KIF3C: variants seen among roughly 807,000 people sequenced by gnomAD.
The protein encoded by KIF3C is kinesin-like protein KIF3C.
A neutral mutation model predicts 67.7 loss-of-function variants in KIF3C; 12 were observed. The ratio of observed to expected loss-of-function variants is 0.18; its 90% CI spans 0.11 to 0.29. The LOEUF (loss-of-function observed/expected upper bound fraction) is 0.29. Among genes scored for constraint, KIF3C ranks in the 10% least tolerant of loss-of-function variants. The pLI, the probability that KIF3C is intolerant of heterozygous loss-of-function variation, is 1.00. For synonymous variants in KIF3C, 393 were observed against 426.2 expected (o/e 0.92, Z 0.96); for missense variants, 789 against 1,059.6 (o/e 0.74, Z 3.55).
chr2:25,981,951 T>A lies in KIF3C; in HGVS notation c.-34A>T, dbSNP rs777430570. ...TCTGACCTTCCTGCCCCCGAGCCCCTCCGCAGCCTGGGCGGTCCTGCTATC... is the reference window on the plus strand; with the variant it reads ...TCTGACCTTCCTGCCCCCGAGCCCCACCGCAGCCTGGGCGGTCCTGCTATC... On this transcript the variant is annotated 5_prime_UTR_variant, in exon 1 of 8. Coordinates refer to ENST00000264712, the MANE Select transcript of KIF3C (RefSeq NM_002254.8). The surrounding 1 kb of genome is among the most constrained non-coding windows in gnomAD (Gnocchi z 8.2). 1.3e-5 allele frequency: 20 copies of A among 1,493,172 alleles called. No individual in the cohort carries two copies. Among genetic ancestry groups the A allele is most frequent in the Non-Finnish European group, 1.6e-5 (18 of 1,121,930 alleles). 92.5% of individuals were successfully genotyped at this position (1,493,172 alleles called of 1,614,324 possible). A position where few individuals can be genotyped will look rare whatever the true frequency, so the allele number is the denominator to read the frequency against.
chr2:25,945,460 A>G (rs112756426), intron 5 of KIF3C, among the ~76,000 whole-genome samples: 14,003 of 146,780 alleles, frequency 0.095, 992 homozygotes, highest in African/African-American at 0.19. Flanking sequence ...CCAGCTACTT[A>G]GGAGGCTGAG....
chr2:25,938,487 G>A, intron 5 of KIF3C: 1 of 305,870 alleles, frequency 3.3e-6, no homozygotes. Context: ...GAACAGATGG[G>A]CCAGTGAGTG....
chr2:25,980,270 G>T lies in KIF3C; in HGVS notation c.1545+103C>A. ...GAGGGCAGTGTGCGGTGCTGAGGGA[G>T]AACCTCCACTTCAGGCCAGGTCACA... is the stretch of plus-strand genomic sequence containing the variant. On this transcript the variant is annotated intron_variant, in intron 1 of 7. Coordinates refer to ENST00000264712, the MANE Select transcript of KIF3C (RefSeq NM_002254.8). The surrounding 1 kb of genome is among the most constrained non-coding windows in gnomAD (Gnocchi z 7.6). The T allele has an allele frequency of 1.1e-6, 1 of 937,786 alleles. No homozygotes were observed. The highest frequency in any genetic ancestry group is 1.6e-6 in the Non-Finnish European group (1 of 631,018). The allele number at this position is 937,786 out of a possible 1,614,324, so 58.1% of individuals were successfully genotyped here.
At chr2:25,952,876 A>C (rs113272192) in intron 4 of KIF3C, among the ~76,000 whole-genome samples, 1 of 152,128 alleles carries the variant, frequency 6.6e-6, no homozygotes, top group African/African-American at 2.4e-5. Context: ...TAACTTAAAG[A>C]GTGTAACTGG....
chr2:25,955,627 G>C lies in KIF3C; in HGVS notation c.1684C>G (p.Leu562Val). The C allele has an allele frequency of 6.2e-7, 1 of 1,614,174 alleles. No homozygotes were observed. The highest frequency in any genetic ancestry group is 8.5e-7 in the Non-Finnish European group (1 of 1,180,024). ...REREMQQEMM[L>V]RDEETMELRG... ...AGCTCCATAGTCTCCTCGTCCCGGA[G>C]CATCATCTCCTGCTGCATCTCCCGC... The change falls in exon 3 of 8, where the codon CTC (leucine) becomes GTC (valine). Residue 562 changes from leucine to valine, a missense_variant. Physicochemically the swap from Leu to Val is conservative, Grantham distance 32 (BLOSUM62 1). This residue lies in a region of KIF3C where 648 missense variants were observed against 807.8 expected (regional missense o/e 0.80). Transcript: ENST00000264712. The surrounding 1 kb of genome is among the most constrained non-coding windows in gnomAD (Gnocchi z 5.0).
intron 1 of KIF3C, among the ~76,000 whole-genome samples, chr2:25,960,044 T>C (rs537680638): frequency 6.6e-6 from 1 of 152,262 alleles, no homozygotes; most frequent in African/African-American, 2.4e-5. Flanking sequence ...CATTCTTTAT[T>C]CTTTATAATC....
intron 5 of KIF3C, among the ~76,000 whole-genome samples, chr2:25,944,350 T>A (rs1178656948): frequency 6.7e-6 from 1 of 149,618 alleles, no homozygotes; most frequent in Admixed American, 6.7e-5. Context: ...TAATTGCCTT[T>A]TTTTTTTTTT....
At chr2:25,954,040 T>A in intron 4 of KIF3C, 1 of 523,592 alleles carries the variant, frequency 1.9e-6, no homozygotes, top group Non-Finnish European at 3.4e-6. Context: ...CCTTCGGAGT[T>A]ACTTTTGGCC....
intron 5 of KIF3C, among the ~76,000 whole-genome samples, chr2:25,950,513 C>T (rs575216975): frequency 1.1e-4 from 17 of 152,160 alleles, no homozygotes; most frequent in East Asian, 7.7e-4. Flanking sequence ...TGAGCCACCA[C>T]GCCCAGCTAG....
At chr2:25,974,035 T>C (rs544936387) in intron 1 of KIF3C, among the ~76,000 whole-genome samples, 27 of 152,366 alleles carry the variant, frequency 1.8e-4, no homozygotes, top group Non-Finnish European at 7.3e-5. Context: ...TGCCAGAAAC[T>C]GTGCAAAGTG....
intron 5 of KIF3C, among the ~76,000 whole-genome samples, chr2:25,940,481 G>A (rs1170013084): frequency 6.6e-6 from 1 of 151,576 alleles, no homozygotes; most frequent in African/African-American, 2.4e-5. Context: ...TGAGGCGGAA[G>A]AATCGCTTGA....
chr2:25,930,361 T>C (rs1017492434), intron 5 of KIF3C, among the ~76,000 whole-genome samples: 2 of 152,074 alleles, frequency 1.3e-5, no homozygotes, highest in Non-Finnish European at 2.9e-5. Flanking sequence ...GTATATTGTG[T>C]TTTTGTTGTT....
chr2:25,961,579 G>T (rs1663943876), intron 1 of KIF3C, among the ~76,000 whole-genome samples: 1 of 152,200 alleles, frequency 6.6e-6, no homozygotes, highest in Admixed American at 6.5e-5. Context: ...GGAGGAGGAG[G>T]AGTAACACTC....
intron 4 of KIF3C, among the ~76,000 whole-genome samples, chr2:25,953,203 A>T (rs1325982557): frequency 6.6e-6 from 1 of 151,324 alleles, no homozygotes; most frequent in Non-Finnish European, 1.5e-5. Context: ...TGGGAGGTGG[A>T]GGCTGCAGTG....
rs758832341 is a variant in KIF3C at position 25,955,907 on chromosome 2, C to A, written c.1648-244G>T. On this transcript the variant is annotated intron_variant, in intron 2 of 7. Coordinates refer to ENST00000264712, the MANE Select transcript of KIF3C (RefSeq NM_002254.8). This position sits in a 1 kb window ranked among gnomAD's most constrained non-coding sequence, Gnocchi z 5.0. The stretch of plus-strand genomic sequence containing the variant: ...GAGACCCCAGCCCCTAAGAGCTGGC[C>A]TACTCCAGAGGCGTTAGTCACACAG... Among the ~76,000 whole-genome samples, 1 of 152,176 alleles carries A rather than the reference C, an allele frequency of 6.6e-6. No individual in the cohort carries two copies. The highest frequency in any genetic ancestry group is 1.5e-5 in the Non-Finnish European group (1 of 68,036).
intron 5 of KIF3C, among the ~76,000 whole-genome samples, chr2:25,943,741 T>C (rs1361186376): frequency 6.6e-6 from 1 of 151,976 alleles, no homozygotes; most frequent in Admixed American, 6.6e-5. Flanking sequence ...GGCACATGCC[T>C]GTAATCCCAG....
chr2:25,976,999 T>C (rs1664434438), intron 1 of KIF3C, among the ~76,000 whole-genome samples: 2 of 152,182 alleles, frequency 1.3e-5, no homozygotes, highest in South Asian at 2.1e-4. Context: ...AGGCCTAGTA[T>C]GTTATCAAGC....
At chr2:25,929,498 C>G in intron 6 of KIF3C, 21 bp from the exon 7 acceptor site, 1 of 1,608,680 alleles carries the variant, frequency 6.2e-7, no homozygotes, top group South Asian at 1.1e-5. Context: ...AATATCATGC[C>G]AGGCTTGAAC....
At chr2:25,948,622 G>GAA in intron 5 of KIF3C, among the ~76,000 whole-genome samples, 11 of 96,742 alleles carry the variant, frequency 1.1e-4, no homozygotes, top group Admixed American at 1.0e-3. Flanking sequence ...GAAAGAGAAA[G>GAA]AGAGAAAGAG....
Sources: gnomAD v4.1 joint callset for allele counts (sites outside exome capture counted in the v4.1 genomes callset) on GRCh38, gnomAD v4.1.1 for gene constraint, gnomAD v4.1.1 regional missense constraint, Gnocchi (gnomAD v3.1) non-coding constraint, MANE v1.5 for transcripts, NCBI Gene and HGNC (gene_info 2026-07-23, HGNC 2026-07-21) for gene names.